NELL1: variants seen among roughly 807,000 people sequenced by gnomAD.
The protein encoded by NELL1 is protein kinase C-binding protein NELL1.
NELL1 carries 76 observed loss-of-function variants against 107.4 expected under a neutral mutation model. The observed-to-expected ratio is 0.71, with a 90% CI of 0.59 to 0.86. The LOEUF is 0.86. NELL1 is among the 40% of genes least tolerant of loss of function. The pLI is 0.00. For synonymous variants in NELL1, 353 were observed against 341.2 expected, an observed-to-expected ratio of 1.03 and a Z score of -0.38; for missense variants, 1,024 against 1,005.5, an observed-to-expected ratio of 1.02 and a Z score of -0.25.
intron 15 of NELL1, among the ~76,000 whole-genome samples, chr11:21,390,385 AAT>A: frequency 6.7e-6 from 1 of 149,066 alleles, no homozygotes; most frequent in East Asian, 2.0e-4. Context: ...TAATAATAAT[AAT>A]AAATAATATA....
At chr11:21,267,262 C>A (rs1161737544) in intron 14 of NELL1, among the ~76,000 whole-genome samples, 1 of 151,872 alleles carries the variant, frequency 6.6e-6, no homozygotes, top group Non-Finnish European at 1.5e-5. Flanking sequence ...ATAATAATAT[C>A]ATGAATAAAT....
At chr11:20,670,005 C>A (rs568092094) in intron 1 of NELL1, among the ~76,000 whole-genome samples, 153 of 152,322 alleles carry the variant, frequency 1.0e-3, no homozygotes, top group African/African-American at 3.4e-3. Context: ...GACCCGGCCT[C>A]AGGGGCGCAG....
chr11:20,686,319 T>C (rs1023508727), intron 2 of NELL1, among the ~76,000 whole-genome samples: 2 of 152,164 alleles, frequency 1.3e-5, no homozygotes, highest in African/African-American at 2.4e-5. Flanking sequence ...TTTTGAGTTA[T>C]CTTTGTTACT....
intron 14 of NELL1, among the ~76,000 whole-genome samples, chr11:21,360,870 T>C (rs867309438): frequency 1.3e-5 from 2 of 152,172 alleles, no homozygotes; most frequent in Non-Finnish European, 2.9e-5. Context: ...GTGAGTCTCT[T>C]GAAGACAGCA....
chr11:21,030,023 G>C (rs1466536226), intron 12 of NELL1, among the ~76,000 whole-genome samples: 1 of 152,208 alleles, frequency 6.6e-6, no homozygotes, highest in East Asian at 1.9e-4. Flanking sequence ...AGAAGTAAAT[G>C]AAGTGATTGG....
At chr11:21,122,086 T>C (rs1201585329) in intron 13 of NELL1, among the ~76,000 whole-genome samples, 4 of 152,186 alleles carry the variant, frequency 2.6e-5, no homozygotes, top group Non-Finnish European at 2.9e-5. Flanking sequence ...TTCCTTTTTA[T>C]TCCTACATGT....
intron 14 of NELL1, among the ~76,000 whole-genome samples, chr11:21,252,377 G>A (rs1858661329): frequency 6.6e-6 from 1 of 152,018 alleles, no homozygotes; most frequent in South Asian, 2.1e-4. Context: ...CCATGGAATG[G>A]GATAAAAAAT....
intron 13 of NELL1, among the ~76,000 whole-genome samples, chr11:21,218,604 A>C (rs1383236209): frequency 6.6e-6 from 1 of 152,070 alleles, no homozygotes; most frequent in Non-Finnish European, 1.5e-5. Flanking sequence ...TTTAGCTATA[A>C]TTTTCTGTCT....
intron 5 of NELL1, among the ~76,000 whole-genome samples, chr11:20,900,485 T>C (rs925026901): frequency 7.2e-5 from 11 of 152,088 alleles, no homozygotes; most frequent in African/African-American, 2.2e-4. Context: ...ACCATGTCCC[T>C]CCACCAAATA....
chr11:21,043,754 T>A (rs72941930), intron 12 of NELL1, among the ~76,000 whole-genome samples: 8,539 of 152,122 alleles, frequency 0.056, 364 homozygotes, highest in East Asian at 0.11. Flanking sequence ...TTGAGATATA[T>A]TTATTGAAGT....
chr11:21,085,361 C>G (rs914033630), intron 12 of NELL1, among the ~76,000 whole-genome samples: 2 of 152,140 alleles, frequency 1.3e-5, no homozygotes, highest in African/African-American at 2.4e-5. Flanking sequence ...AGTCTGGGCA[C>G]AGTGTCTCAC....
At position 21,258,230 on chromosome 11, in the gene NELL1, C is replaced by T. The variant is rs1290466392; in HGVS notation, c.1549+28776C>T. On this transcript the variant is annotated intron_variant, in intron 14 of 19. Transcript: ENST00000357134. ...TGAGGACAAGGGAAAATCTTTTCCT[C>T]CAGTGTCAGAGCCAGAAGAAAAGCT... 3.3e-5 allele frequency among the ~76,000 whole-genome samples: 5 copies of T among 151,940 alleles called. No individual in the cohort carries two copies. The South Asian group carries it at 8.3e-4, about 25-fold the overall frequency.
chr11:21,315,890 AGTGT>A (rs10535605), intron 14 of NELL1, among the ~76,000 whole-genome samples: 92,481 of 149,490 alleles, frequency 0.62, 28,651 homozygotes, highest in African/African-American at 0.67. Context: ...TGGTGGTGTG[AGTGT>A]GTGTGTGTGT....
At chr11:21,388,798 C>A (rs1171222791) in intron 15 of NELL1, among the ~76,000 whole-genome samples, 1 of 151,774 alleles carries the variant, frequency 6.6e-6, no homozygotes, top group Non-Finnish European at 1.5e-5. Context: ...CAGAGAAATA[C>A]AATTTTAAAA....
chr11:21,070,534 A>G (rs1199612588), intron 12 of NELL1, among the ~76,000 whole-genome samples: 1 of 152,166 alleles, frequency 6.6e-6, no homozygotes, highest in Non-Finnish European at 1.5e-5. Flanking sequence ...GGATTCTGCT[A>G]CTGAAATTGA....
intron 4 of NELL1, among the ~76,000 whole-genome samples, chr11:20,848,199 C>A (rs1848735349): frequency 6.6e-6 from 1 of 152,196 alleles, no homozygotes; most frequent in African/African-American, 2.4e-5. Context: ...TCAAGCTCAC[C>A]TTTGCTTAAA....
intron 14 of NELL1, among the ~76,000 whole-genome samples, chr11:21,366,293 T>C (rs1851218895): frequency 6.6e-6 from 1 of 152,092 alleles, no homozygotes; most frequent in Non-Finnish European, 1.5e-5. Flanking sequence ...AAACTGATAA[T>C]GTCTGAAGTC....
intron 4 of NELL1, among the ~76,000 whole-genome samples, chr11:20,864,919 T>TACA (rs1376598992): frequency 1.3e-5 from 2 of 152,364 alleles, no homozygotes; most frequent in South Asian, 4.1e-4. Context: ...AGTCCTCCTG[T>TACA]ACAACATCCT....
chr11:21,059,619 C>A (rs1853691129), intron 12 of NELL1, among the ~76,000 whole-genome samples: 1 of 152,062 alleles, frequency 6.6e-6, no homozygotes, highest in African/African-American at 2.4e-5. Flanking sequence ...CGGATATACA[C>A]TAGGGTCTGA....
Sources: allele counts gnomAD v4.1 joint callset (sites outside exome capture counted in the v4.1 genomes callset), GRCh38; gene constraint gnomAD v4.1.1; transcripts MANE v1.5; gene names NCBI Gene and HGNC (gene_info 2026-07-23, HGNC 2026-07-21).